Variants in METTL16 observed in about 807,000 individuals in gnomAD.
The protein encoded by METTL16 is RNA N(6)-adenosine-methyltransferase METTL16.
Under a neutral mutation model 57.9 loss-of-function variants are expected in METTL16, and 19 were observed. That is an observed-to-expected ratio of 0.33 (90% confidence interval 0.23 to 0.48). The LOEUF is 0.48. Among genes scored for constraint, METTL16 ranks in the 20% least tolerant of loss-of-function variants. METTL16 has a pLI of 0.99. For missense variants in METTL16, 434 were observed against 691.5 expected (o/e 0.63, Z 4.18); for synonymous variants, 246 against 255.6 (o/e 0.96, Z 0.36).
chr17:2,425,099 A>G lies in METTL16; in HGVS notation c.889-4195T>C, dbSNP rs918300930. 1.2e-4 allele frequency among the ~76,000 whole-genome samples: 18 copies of G among 152,194 alleles called. No individual in the cohort carries two copies. The South Asian group carries it at 1.4e-3, about 12-fold the overall frequency. The stretch of plus-strand genomic sequence containing the variant: ...GTCCTCGTGGGCAGGGTCACAGTAA[A>G]ATATAGGATCAAGTTCTAAGAAATT... On this transcript the variant is annotated intron_variant, in intron 8 of 9. Transcript: ENST00000263092.
intron 1 of METTL16, among the ~76,000 whole-genome samples, chr17:2,504,619 A>C (rs1205833425): frequency 2.0e-5 from 3 of 152,196 alleles, no homozygotes; most frequent in African/African-American, 7.2e-5. Context: ...GCAGTAGCAC[A>C]ATCATACCTC....
chr17:2,466,193 C>CAAAAAAAAAAAA, intron 5 of METTL16, among the ~76,000 whole-genome samples: 1 of 103,900 alleles, frequency 9.6e-6, no homozygotes, highest in Non-Finnish European at 2.2e-5. Context: ...GACTCTGTCA[C>CAAAAAAAAAAAA]AAAAAAAAAA....
chr17:2,489,551 G>A (rs1371753151), intron 2 of METTL16, among the ~76,000 whole-genome samples: 2 of 151,442 alleles, frequency 1.3e-5, no homozygotes, highest in Non-Finnish European at 2.9e-5. Flanking sequence ...ATTTAATAGA[G>A]ACGGTGAAAT....
At chr17:2,443,267 C>A (rs949726130) in intron 6 of METTL16, among the ~76,000 whole-genome samples, 1 of 152,150 alleles carries the variant, frequency 6.6e-6, no homozygotes, top group African/African-American at 2.4e-5. Context: ...AGCCACCATG[C>A]GTGACAGAGA....
rs376624783 is a variant in METTL16 at position 2,423,805 on chromosome 17, CTCTT to C, written c.889-2905_889-2902del. Among the ~76,000 whole-genome samples, 1,164 of 152,352 alleles carry C rather than the reference CTCTT, an allele frequency of 7.6e-3. 3 individuals are homozygous for C. The highest frequency in any genetic ancestry group is 0.012 in the Non-Finnish European group (825 of 68,034). ...ATTATGCTAAAGCTGACCTGCGACA[CTCTT>C]TCTCCAAAAGTAAGGACGGGCTTCA... On this transcript the variant is annotated intron_variant, in intron 8 of 9. Coordinates refer to ENST00000263092, the MANE Select transcript of METTL16 (RefSeq NM_024086.4).
At chr17:2,481,340 G>A (rs1215300567) in intron 2 of METTL16, among the ~76,000 whole-genome samples, 1 of 151,590 alleles carries the variant, frequency 6.6e-6, no homozygotes, top group African/African-American at 2.4e-5. Flanking sequence ...TAAAATAACA[G>A]TAAAATGAAG....
chr17:2,473,790 G>A, intron 3 of METTL16, 126 bp from the exon 4 acceptor site: 5 of 951,064 alleles, frequency 5.3e-6, no homozygotes, highest in African/African-American at 1.7e-5. Context: ...CCAGGCTACA[G>A]TGCAGTGGTG....
rs532099375 is a variant in METTL16 at position 2,503,414 on chromosome 17, C to T, written c.1-1083G>A. ...ACCCTAAATATGGATCAACAAAATA[C>T]GGTATATCCATACACTAAATATGGG... On this transcript the variant is annotated intron_variant, in intron 1 of 9. Coordinates refer to ENST00000263092, the MANE Select transcript of METTL16 (RefSeq NM_024086.4). 4.5e-4 allele frequency among the ~76,000 whole-genome samples: 68 copies of T among 151,886 alleles called. 1 individual carries two copies. Among genetic ancestry groups the T allele is most frequent in the Middle Eastern group, 6.9e-3 (2 of 288 alleles).
At chr17:2,493,370 G>C (rs2067416092) in intron 2 of METTL16, among the ~76,000 whole-genome samples, 2 of 150,900 alleles carry the variant, frequency 1.3e-5, no homozygotes, top group East Asian at 4.0e-4. Flanking sequence ...ATTACAGGCA[G>C]CCACCACACC....
chr17:2,474,076 C>T (rs951060101), intron 3 of METTL16, among the ~76,000 whole-genome samples: 2 of 151,998 alleles, frequency 1.3e-5, no homozygotes, highest in East Asian at 1.9e-4. Context: ...CCTCCTCTTT[C>T]GTGTGTTGTA....
At chr17:2,480,129 T>G (rs1403017236) in intron 2 of METTL16, among the ~76,000 whole-genome samples, 1 of 145,590 alleles carries the variant, frequency 6.9e-6, no homozygotes, top group Non-Finnish European at 1.5e-5. Flanking sequence ...GAGGTTGCAG[T>G]GAGCCGAGAC....
intron 6 of METTL16, among the ~76,000 whole-genome samples, chr17:2,454,526 C>A (rs2067094413): frequency 1.3e-5 from 2 of 150,856 alleles, no homozygotes; most frequent in Non-Finnish European, 3.0e-5. Context: ...TTTAATTATT[C>A]ACTTTTTGAC....
intron 2 of METTL16, among the ~76,000 whole-genome samples, chr17:2,490,969 C>T (rs2067383707): frequency 6.6e-6 from 1 of 152,146 alleles, no homozygotes; most frequent in South Asian, 2.1e-4. Flanking sequence ...AAAGTGAACA[C>T]CAATGAAGAG....
At chr17:2,434,387 G>T (rs1036123421) in intron 8 of METTL16, among the ~76,000 whole-genome samples, 5 of 152,070 alleles carry the variant, frequency 3.3e-5, no homozygotes, top group Non-Finnish European at 1.5e-5. Context: ...GCTAACTTTT[G>T]TATTTTTAGT....
chr17:2,424,883 C>A (rs12940948), intron 8 of METTL16, among the ~76,000 whole-genome samples: 2 of 152,010 alleles, frequency 1.3e-5, no homozygotes, highest in Admixed American at 6.6e-5. Context: ...GGGAGGCGGA[C>A]CTTGCAGCGA....
intron 2 of METTL16, among the ~76,000 whole-genome samples, chr17:2,497,841 C>T (rs1000269475): frequency 6.6e-6 from 1 of 151,536 alleles, no homozygotes; most frequent in Non-Finnish European, 1.5e-5. Context: ...GTCCTCCTGC[C>T]TCAGCCTCTG....
At chr17:2,498,380 C>T (rs533849149) in intron 2 of METTL16, among the ~76,000 whole-genome samples, 24 of 151,540 alleles carry the variant, frequency 1.6e-4, no homozygotes, top group Middle Eastern at 3.4e-3. Flanking sequence ...CCACTGCACT[C>T]CAGCCTGGTG....
At chr17:2,425,326 G>A (rs149382315) in intron 8 of METTL16, among the ~76,000 whole-genome samples, 16 of 152,234 alleles carry the variant, frequency 1.1e-4, no homozygotes, top group Admixed American at 2.6e-4. Flanking sequence ...CAGGCAAGGC[G>A]TACATAAATA....
chr17:2,498,102 G>A (rs2067459586), intron 2 of METTL16, among the ~76,000 whole-genome samples: 1 of 151,228 alleles, frequency 6.6e-6, no homozygotes, highest in South Asian at 2.1e-4. Context: ...GCTGAGGCAG[G>A]AGAATGGCGT....
Sources: gnomAD v4.1 joint callset for allele counts (sites outside exome capture counted in the v4.1 genomes callset) on GRCh38, gnomAD v4.1.1 for gene constraint, MANE v1.5 for transcripts, NCBI Gene and HGNC (gene_info 2026-07-23, HGNC 2026-07-21) for gene names.